ST6GALNAC5: variants seen among roughly 807,000 people sequenced by gnomAD.
The protein encoded by ST6GALNAC5 is ST6 N-acetylgalactosaminide alpha-2,6-sialyltransferase 5.
A neutral mutation model predicts 33.6 loss-of-function variants in ST6GALNAC5; 27 were observed. That is an observed-to-expected ratio of 0.80 (90% CI 0.59 to 1.11). The LOEUF is 1.11. ST6GALNAC5 is among the 50% of genes least tolerant of loss of function. The probability of loss-of-function intolerance (pLI) is 0.00; values close to 1 mark genes in which losing one functional copy is unlikely to be tolerated. For missense variants in ST6GALNAC5, 428 were observed against 454.0 expected, an observed-to-expected ratio of 0.94 and a Z score of 0.52; for synonymous variants, 194 against 171.2, an observed-to-expected ratio of 1.13 and a Z score of -1.04.
chr1:77,027,722 C>G (rs917176575), intron 2 of ST6GALNAC5, among the ~76,000 whole-genome samples: 2 of 152,176 alleles, frequency 1.3e-5, no homozygotes, highest in African/African-American at 4.8e-5. Flanking sequence ...AGTGGCAGAT[C>G]TGGGGAGACT....
intron 4 of ST6GALNAC5, among the ~76,000 whole-genome samples, chr1:77,062,671 T>C (rs539373238): frequency 1.3e-5 from 2 of 152,238 alleles, no homozygotes; most frequent in African/African-American, 4.8e-5. Context: ...AAATAGACTG[T>C]AAGAAGAGTG....
intron 2 of ST6GALNAC5, among the ~76,000 whole-genome samples, chr1:76,907,941 C>T (rs988321710): frequency 5.9e-5 from 9 of 152,194 alleles, no homozygotes; most frequent in South Asian, 2.1e-4. Flanking sequence ...TATATTTATG[C>T]GAACACTTGA....
Position 76,868,498 on chromosome 1 carries a change from G to A in ST6GALNAC5, c.17G>A (p.Arg6His). Residue 6 changes from arginine to histidine, a missense_variant and splice_region_variant, in exon 2 of 5, where the codon CGC (arginine) becomes CAC (histidine). Arg to His is a conservative substitution (Grantham distance 29). Coordinates refer to ENST00000477717, the MANE Select transcript of ST6GALNAC5 (RefSeq NM_030965.3). This position sits in a 1 kb window ranked among gnomAD's most constrained non-coding sequence, Gnocchi z 4.3. MKTLM[R>H]HGLAVCLALT... ...CTTCTCTCTCCCGCCCGCCCGCAGC[G>A]CCATGGTCTGGCAGTGTGTTTAGCG... The A allele has an allele frequency of 6.2e-7, 1 of 1,601,256 alleles. No homozygotes were observed. The highest frequency in any genetic ancestry group is 8.5e-7 in the Non-Finnish European group (1 of 1,171,984).
rs1652634721 is a variant in ST6GALNAC5 at position 77,062,965 on chromosome 1, C to G, written c.780-10C>G. On this transcript the variant is annotated splice_polypyrimidine_tract_variant and intron_variant, in intron 4 of 4. Transcript: ENST00000477717. ...TTGCTTTAATCAGTTATCTCAATTT[C>G]CTCCTACAGGGATCCCAATCACCCT... 6 of 1,606,798 alleles carry G rather than the reference C, an allele frequency of 3.7e-6. No homozygotes were observed. The highest frequency in any genetic ancestry group is 1.3e-5 in the African/African-American group (1 of 74,706).
chr1:76,880,076 G>A (rs1177927654), intron 2 of ST6GALNAC5, among the ~76,000 whole-genome samples: 1 of 152,148 alleles, frequency 6.6e-6, no homozygotes, highest in Non-Finnish European at 1.5e-5. Flanking sequence ...GAATCCCTGA[G>A]TTCATCATTT....
At chr1:77,046,059 T>A (rs560685271) in intron 3 of ST6GALNAC5, among the ~76,000 whole-genome samples, 8 of 152,200 alleles carry the variant, frequency 5.3e-5, no homozygotes, top group Non-Finnish European at 1.0e-4. Context: ...TGTACTTTCA[T>A]ACGTTTGTGA....
Position 77,064,364 on chromosome 1 carries a change from C to T in ST6GALNAC5, c.*1158C>T, listed in dbSNP as rs537623812. ...GCTAAAATCTACCCCCTGCTTCTCT[C>T]GAAGCATCACCATCCGCCTCTTCCC... On this transcript the variant is annotated 3_prime_UTR_variant, in exon 5 of 5. Coordinates refer to ENST00000477717, the MANE Select transcript of ST6GALNAC5 (RefSeq NM_030965.3). The T allele has an allele frequency of 2.1e-4, 32 of 152,208 alleles. No individual in the cohort carries two copies. Among genetic ancestry groups the T allele is most frequent in the Admixed American group, 1.6e-3 (24 of 15,270 alleles). The allele number at this position is 152,208 out of a possible 1,614,324, so 9.4% of individuals were successfully genotyped here.
chr1:76,947,310 G>A (rs1557733309), intron 2 of ST6GALNAC5, among the ~76,000 whole-genome samples: 2 of 152,078 alleles, frequency 1.3e-5, no homozygotes, highest in South Asian at 4.2e-4. Context: ...AGAAATGACG[G>A]ACTGTTCAGA....
chr1:77,000,634 T>G (rs1054393684), intron 2 of ST6GALNAC5, among the ~76,000 whole-genome samples: 186 of 151,144 alleles, frequency 1.2e-3, no homozygotes, highest in African/African-American at 4.3e-3. Flanking sequence ...GGTCTAACGT[T>G]TAAGTCCTTA....
intron 2 of ST6GALNAC5, among the ~76,000 whole-genome samples, chr1:76,959,463 C>A (rs2100347936): frequency 6.6e-6 from 1 of 152,228 alleles, no homozygotes; most frequent in South Asian, 2.1e-4. Flanking sequence ...TGCCTATGGG[C>A]ACAATAGAAC....
At position 77,065,019 on chromosome 1, in the gene ST6GALNAC5, G is replaced by A. The variant is rs1020597502; in HGVS notation, c.*1813G>A. On this transcript the variant is annotated 3_prime_UTR_variant, in exon 5 of 5. Transcript: ENST00000477717. The stretch of plus-strand genomic sequence containing the variant: ...CAAAGCCAGTAAGATTGAAATGGCC[G>A]TCCAAAACATACTGGAATATGTTCT... 16 of 152,166 alleles carry A rather than the reference G, an allele frequency of 1.1e-4. No homozygotes were observed. The highest frequency in any genetic ancestry group is 3.2e-3 in the Middle Eastern group (1 of 316). The allele number at this position is 152,166 out of a possible 1,614,324, so 9.4% of individuals were successfully genotyped here.
chr1:77,040,625 C>T (rs538929448), intron 2 of ST6GALNAC5, among the ~76,000 whole-genome samples: 2 of 152,314 alleles, frequency 1.3e-5, no homozygotes, highest in African/African-American at 4.8e-5. Flanking sequence ...TTTCACCTGC[C>T]AACCAGTCTC....
At chr1:76,996,293 G>A (rs752117169) in intron 2 of ST6GALNAC5, among the ~76,000 whole-genome samples, 25 of 152,160 alleles carry the variant, frequency 1.6e-4, no homozygotes, top group Middle Eastern at 3.2e-3. Context: ...CTCTGTGCCC[G>A]TGTAAGGCAG....
intron 3 of ST6GALNAC5, among the ~76,000 whole-genome samples, chr1:77,046,080 C>A (rs543564193): frequency 1.3e-5 from 2 of 152,032 alleles, no homozygotes; most frequent in African/African-American, 4.8e-5. Flanking sequence ...TGTAATTTAC[C>A]CCTCTTACAA....
intron 2 of ST6GALNAC5, among the ~76,000 whole-genome samples, chr1:77,013,871 G>A (rs528278665): frequency 6.6e-5 from 10 of 152,286 alleles, no homozygotes; most frequent in East Asian, 3.9e-4. Flanking sequence ...TTCAATCAAC[G>A]ATTTGGCAGG....
intron 2 of ST6GALNAC5, among the ~76,000 whole-genome samples, chr1:76,985,893 A>C (rs1649475982): frequency 6.6e-6 from 1 of 152,252 alleles, no homozygotes; most frequent in African/African-American, 2.4e-5. Context: ...CCTGACAAAA[A>C]CAAGAAATGG....
chr1:77,046,332 T>C (rs1033827923), intron 3 of ST6GALNAC5, among the ~76,000 whole-genome samples: 1 of 152,240 alleles, frequency 6.6e-6, no homozygotes, highest in Non-Finnish European at 1.5e-5. Context: ...TAGCAGCTCA[T>C]TATTAGAGAA....
At chr1:77,015,220 A>T (rs1332357231) in intron 2 of ST6GALNAC5, among the ~76,000 whole-genome samples, 1 of 152,196 alleles carries the variant, frequency 6.6e-6, no homozygotes, top group African/African-American at 2.4e-5. Context: ...AGGGGAGCTG[A>T]TGATATAAAT....
At chr1:76,899,003 G>A (rs540138446) in intron 2 of ST6GALNAC5, among the ~76,000 whole-genome samples, 1 of 152,248 alleles carries the variant, frequency 6.6e-6, no homozygotes, top group Admixed American at 6.5e-5. Context: ...AGGGACTGAT[G>A]TGTAAAAGAA....
Sources: gnomAD v4.1 joint callset for allele counts (sites outside exome capture counted in the v4.1 genomes callset) on GRCh38, gnomAD v4.1.1 for gene constraint, Gnocchi (gnomAD v3.1) non-coding constraint, MANE v1.5 for transcripts, NCBI Gene and HGNC (gene_info 2026-07-23, HGNC 2026-07-21) for gene names.